THSD4: variants seen among roughly 807,000 people sequenced by gnomAD.
THSD4 encodes the protein thrombospondin type-1 domain-containing protein 4.
THSD4 carries 69 observed loss-of-function variants against 119.0 expected under a neutral mutation model. That is an observed-to-expected ratio of 0.58 (90% CI 0.48 to 0.71). THSD4 has a LOEUF of 0.71. Among genes scored for constraint, THSD4 ranks in the 30% least tolerant of loss-of-function variants. The pLI, the probability that THSD4 is intolerant of heterozygous loss-of-function variation, is 0.00. For missense variants in THSD4, 1,393 were observed against 1,391.1 expected (o/e 1.00, Z -0.02); for synonymous variants, 524 against 540.4 (o/e 0.97, Z 0.42).
At position 71,612,590 on chromosome 15, in the gene THSD4, CAA is replaced by C. The variant is rs371331002; in HGVS notation, c.1153-47939_1153-47938del. On this transcript the variant is annotated intron_variant, in intron 7 of 17. Transcript: ENST00000261862. ...TCCGTGCTGCAGCTGTTGATGGAGA[CAA>C]GAGGGATATGCAGCTGCTTAAACTT... 2.0e-3 allele frequency among the ~76,000 whole-genome samples: 300 copies of C among 152,218 alleles called. 17 individuals carry two copies. The South Asian group carries it at 0.055, about 28-fold the overall frequency.
chr15:71,452,799 G>C (rs1040563292), intron 7 of THSD4, among the ~76,000 whole-genome samples: 1 of 152,078 alleles, frequency 6.6e-6, no homozygotes, highest in Admixed American at 6.6e-5. Flanking sequence ...ATTTTTAGTA[G>C]AGACGGGGTT....
At position 71,622,834 on chromosome 15, in the gene THSD4, A is replaced by G. The variant is rs546092564; in HGVS notation, c.1153-37696A>G. On this transcript the variant is annotated intron_variant, in intron 7 of 17. Transcript: ENST00000261862. ...GGAAATGCAGGATACTGTTAGGGTA[A>G]GTGAAGGCTCAGGATAGGCAGAGGT... is the stretch of plus-strand genomic sequence containing the variant. 4.6e-5 allele frequency among the ~76,000 whole-genome samples: 7 copies of G among 152,310 alleles called. No individual in the cohort carries two copies. The Middle Eastern group carries it at 0.014, about 296-fold the overall frequency.
intron 7 of THSD4, among the ~76,000 whole-genome samples, chr15:71,562,717 T>C (rs1323080130): frequency 2.7e-5 from 4 of 150,636 alleles, no homozygotes; most frequent in South Asian, 2.1e-4. Context: ...TTTTTTCTTT[T>C]CTGAAACGGA....
At chr15:71,480,102 T>C (rs2047707940) in intron 7 of THSD4, among the ~76,000 whole-genome samples, 1 of 152,176 alleles carries the variant, frequency 6.6e-6, no homozygotes, top group African/African-American at 2.4e-5. Context: ...AGTGGTGGGA[T>C]CTCAGCTCAC....
Position 71,484,958 on chromosome 15 carries a change from C to A in THSD4, c.1152+73135C>A, listed in dbSNP as rs575681367. ...CATCTGGTCCAGTCCTCTCTTCTAC[C>A]CCTGACTATTGCTGACCAGCTAGGT... is the stretch of plus-strand genomic sequence containing the variant. On this transcript the variant is annotated intron_variant, in intron 7 of 17. Transcript: ENST00000261862. Among the ~76,000 whole-genome samples, 5 of 152,276 alleles carry A rather than the reference C, an allele frequency of 3.3e-5. No homozygotes were observed. In the South Asian group the frequency reaches 1.0e-3, roughly 32 times the overall value.
At chr15:71,547,185 C>T (rs923976166) in intron 7 of THSD4, 2 of 1,317,078 alleles carry the variant, frequency 1.5e-6, no homozygotes, top group Admixed American at 7.7e-5. Flanking sequence ...TGTCCCCTCC[C>T]CCAGCCGGGA....
At chr15:71,560,970 C>CTTTTTTTTTTT (rs11292320) in intron 7 of THSD4, among the ~76,000 whole-genome samples, 1 of 123,990 alleles carries the variant, frequency 8.1e-6, no homozygotes. Context: ...TTCTCTTTAT[C>CTTTTTTTTTTT]TTTTTTTTTT....
intron 7 of THSD4, among the ~76,000 whole-genome samples, chr15:71,434,434 CTTTTTTT>C (rs34097873): frequency 2.4e-5 from 2 of 82,536 alleles, no homozygotes; most frequent in African/African-American, 4.8e-5. Flanking sequence ...TCAGTGGTCC[CTTTTTTT>C]TTTTTTTTTT....
chr15:71,116,186 G>T (rs1421145550), intron 1 of THSD4, among the ~76,000 whole-genome samples: 1 of 152,148 alleles, frequency 6.6e-6, no homozygotes, highest in South Asian at 2.1e-4. Context: ...CTGGGGCCTC[G>T]GATCTGTGTG....
At chr15:71,273,490 C>T (rs1435555766) in intron 6 of THSD4, among the ~76,000 whole-genome samples, 2 of 151,958 alleles carry the variant, frequency 1.3e-5, no homozygotes, top group African/African-American at 4.8e-5. Context: ...AGCAAGGTGA[C>T]TATAATTAAT....
At chr15:71,427,241 A>ACACTGGGCAGGGCACTGGGCAAGG (rs2046882804) in intron 7 of THSD4, among the ~76,000 whole-genome samples, 1 of 149,600 alleles carries the variant, frequency 6.7e-6, no homozygotes, top group Non-Finnish European at 1.5e-5. Flanking sequence ...TCACTGCCAT[A>ACACTGGGCAGGGCACTGGGCAAGG]CACTGGGCAA....
intron 3 of THSD4, among the ~76,000 whole-genome samples, chr15:71,184,904 C>T (rs1368811641): frequency 2.6e-5 from 4 of 151,632 alleles, no homozygotes; most frequent in Admixed American, 6.6e-5. Flanking sequence ...GAGACCCACC[C>T]GCTCCCCAAA....
At chr15:71,324,415 T>C (rs1337299059) in intron 6 of THSD4, among the ~76,000 whole-genome samples, 1 of 152,208 alleles carries the variant, frequency 6.6e-6, no homozygotes, top group Non-Finnish European at 1.5e-5. Context: ...ACCTGAGTAG[T>C]GTACATTGTA....
intron 17 of THSD4, among the ~76,000 whole-genome samples, chr15:71,775,724 TAAATA>T (rs774681399): frequency 1.4e-4 from 21 of 151,714 alleles, no homozygotes; most frequent in Admixed American, 3.3e-4. Context: ...AAAAATAAAA[TAAATA>T]AAATAAAATA....
At chr15:71,695,516 G>A (rs911098230) in intron 8 of THSD4, among the ~76,000 whole-genome samples, 3 of 151,918 alleles carry the variant, frequency 2.0e-5, no homozygotes, top group Admixed American at 6.6e-5. Flanking sequence ...GTGTGTGTGT[G>A]TGTGTGTGTG....
At chr15:71,396,903 G>C (rs1482130838) in intron 6 of THSD4, among the ~76,000 whole-genome samples, 1 of 152,120 alleles carries the variant, frequency 6.6e-6, no homozygotes, top group Non-Finnish European at 1.5e-5. Context: ...AAAAAGGTTG[G>C]GTAACTTGGA....
chr15:71,403,106 G>A (rs2046559509), intron 6 of THSD4, among the ~76,000 whole-genome samples: 1 of 152,116 alleles, frequency 6.6e-6, no homozygotes, highest in African/African-American at 2.4e-5. Flanking sequence ...GTGTACAGCT[G>A]TCTTGTTGGG....
chr15:71,359,271 C>T (rs1055856335), intron 6 of THSD4, among the ~76,000 whole-genome samples: 1 of 152,178 alleles, frequency 6.6e-6, no homozygotes, highest in African/African-American at 2.4e-5. Flanking sequence ...TCTTTTCTGA[C>T]CCCCATTGCA....
chr15:71,607,610 G>T (rs1459934918), intron 7 of THSD4, among the ~76,000 whole-genome samples: 3 of 152,198 alleles, frequency 2.0e-5, no homozygotes, highest in African/African-American at 7.2e-5. Context: ...GTGTGGCAGA[G>T]CCTTACCCAA....
Sources: allele counts gnomAD v4.1 joint callset (sites outside exome capture counted in the v4.1 genomes callset), GRCh38; gene constraint gnomAD v4.1.1; transcripts MANE v1.5; gene names NCBI Gene and HGNC (gene_info 2026-07-23, HGNC 2026-07-21).